Variants in TDRD10 observed in about 807,000 individuals in gnomAD.
TDRD10 encodes the protein tudor domain containing 10.
A neutral mutation model predicts 48.0 loss-of-function variants in TDRD10; 40 were observed. The ratio of observed to expected loss-of-function variants is 0.83; its 90% CI spans 0.65 to 1.09. The LOEUF is 1.09. Ranked by LOEUF, TDRD10 falls within the 50% of genes least tolerant of loss-of-function variation. TDRD10 has a pLI of 0.00. For missense variants in TDRD10, 378 were observed against 434.7 expected (o/e 0.87, Z 1.16); for synonymous variants, 162 against 170.4 (o/e 0.95, Z 0.38).
intron 1 of TDRD10, among the ~76,000 whole-genome samples, chr1:154,504,979 CCT>C (rs1693061685): frequency 6.6e-6 from 1 of 151,990 alleles, no homozygotes; most frequent in Non-Finnish European, 1.5e-5. Context: ...AGAGTGAGAC[CCT>C]GTCTCAAAAA....
At chr1:154,506,612 G>T (rs184281887) in intron 1 of TDRD10, among the ~76,000 whole-genome samples, 83 of 152,300 alleles carry the variant, frequency 5.4e-4, no homozygotes, top group African/African-American at 1.9e-3. Flanking sequence ...CTGACCTCAG[G>T]TGATCCACCC....
chr1:154,547,862 G>C lies in TDRD10; in HGVS notation c.*152G>C, dbSNP rs1412212892. ...TGATTCAATTTTGCTTTTACTCCCA[G>C]CTTCCCTCTCAAAAGAGAGTGAAGT... is the stretch of plus-strand genomic sequence containing the variant. On this transcript the variant is annotated 3_prime_UTR_variant, in exon 13 of 13. Coordinates refer to ENST00000368482, the MANE Select transcript of TDRD10 (RefSeq NM_182499.4). The C allele has an allele frequency of 1.2e-6, 1 of 842,346 alleles. No individual in the cohort carries two copies. Among genetic ancestry groups the C allele is most frequent in the Non-Finnish European group, 1.9e-6 (1 of 529,942 alleles). The allele number at this position is 842,346 out of a possible 1,614,324, so 52.2% of individuals were successfully genotyped here.
At chr1:154,512,934 T>C (rs73020245) in intron 4 of TDRD10, among the ~76,000 whole-genome samples, 5,077 of 152,248 alleles carry the variant, frequency 0.033, 293 homozygotes, top group African/African-American at 0.12. Flanking sequence ...AGTGTTTGCA[T>C]GTGAAGCAAT....
At position 154,507,409 on chromosome 1, in the gene TDRD10, G is replaced by T. The variant is rs1414823354; in HGVS notation, c.82+89G>T. 7.5e-6 allele frequency: 11 copies of T among 1,466,160 alleles called. No individual in the cohort carries two copies. The African/African-American group carries it at 1.2e-4, about 17-fold the overall frequency. The allele number at this position is 1,466,160 out of a possible 1,614,324, so 90.8% of individuals were successfully genotyped here. A position where few individuals can be genotyped will look rare whatever the true frequency, so the allele number is the denominator to read the frequency against. On this transcript the variant is annotated intron_variant, in intron 3 of 12. Transcript: ENST00000368482. ...ATGGTTCCCAGTCTGCCCAGTTTCT[G>T]TTCAATGTGAAACTTGGGATCTGCC...
intron 6 of TDRD10, among the ~76,000 whole-genome samples, chr1:154,524,655 T>G (rs1261637011): frequency 6.6e-6 from 1 of 152,158 alleles, no homozygotes; most frequent in South Asian, 2.1e-4. Context: ...TTGTGAGTCT[T>G]TTTCTTGGGT....
chr1:154,531,370 A>C (rs1694609712), intron 6 of TDRD10, among the ~76,000 whole-genome samples: 1 of 152,168 alleles, frequency 6.6e-6, no homozygotes, highest in Non-Finnish European at 1.5e-5. Flanking sequence ...CCCTTGCGGT[A>C]AGTATTACAG....
Position 154,520,369 on chromosome 1 carries a change from C to A in TDRD10, c.207C>A (p.Cys69Ter). Residue 69 changes from cysteine to a stop codon, truncating the protein, a stop_gained, in exon 5 of 13, where the codon TGC (cysteine) becomes TGA (stop). Coordinates refer to ENST00000368482, the MANE Select transcript of TDRD10 (RefSeq NM_182499.4). LOFTEE classifies it high-confidence loss of function. The stretch of plus-strand genomic sequence containing the variant: ...ATGTCCACAAAATCCAGAATGGCTG[C>A]AAATGGTAATGACTGTTCTTTCTTT... ...PLDVHKIQNG[C>*]KCFAFVDLGS... is the part of the protein sequence containing the mutation. 1.2e-6 allele frequency: 2 copies of A among 1,612,670 alleles called. No homozygotes were observed. Among genetic ancestry groups the A allele is most frequent in the Non-Finnish European group, 1.7e-6 (2 of 1,178,678 alleles).
At position 154,533,947 on chromosome 1, in the gene TDRD10, A is replaced by G. The variant is rs538033879; in HGVS notation, c.370-8077A>G. 2.8e-4 allele frequency among the ~76,000 whole-genome samples: 42 copies of G among 151,610 alleles called. 1 individual carries two copies. In the East Asian group the frequency reaches 5.8e-3, roughly 21 times the overall value. Reference sequence around the variant, plus strand: ...AGATGGGGTCCCACTATGTTGCCCAAGCTGGTCTTGAACTCCTGGCAAGCA... The same window carrying G: ...AGATGGGGTCCCACTATGTTGCCCAGGCTGGTCTTGAACTCCTGGCAAGCA... On this transcript the variant is annotated intron_variant, in intron 6 of 12. Transcript: ENST00000368482.
chr1:154,509,763 A>G (rs1693343848), intron 4 of TDRD10: 2 of 980,688 alleles, frequency 2.0e-6, no homozygotes, highest in Non-Finnish European at 1.2e-6. Context: ...AGACGAGCCT[A>G]CTAGGGCTGG....
chr1:154,517,405 T>C (rs1005326593), intron 4 of TDRD10, among the ~76,000 whole-genome samples: 38 of 151,784 alleles, frequency 2.5e-4, no homozygotes, highest in African/African-American at 8.5e-4. Context: ...CCTTATGAAA[T>C]AGCTGATATT....
rs771284999 is a variant in TDRD10 at position 154,543,971 on chromosome 1, TC to T, written c.514del (p.Leu172TrpfsTer5). On this transcript the variant is annotated frameshift_variant, in exon 9 of 13. Coordinates refer to ENST00000368482, the MANE Select transcript of TDRD10 (RefSeq NM_182499.4). LOFTEE classifies it high-confidence loss of function. ...FAVPLEMRGS[F>X]LVLLLRECFR... Reference sequence around the variant, plus strand: ...CCTTGCTCTTCCCGCAGAGGGTCCTTCCTGGTGCTGCTCCTGAGGGAATGCT... The same window carrying T: ...CCTTGCTCTTCCCGCAGAGGGTCCTTCTGGTGCTGCTCCTGAGGGAATGCT... The T allele has an allele frequency of 2.5e-6, 4 of 1,614,008 alleles. No homozygotes were observed. The highest frequency in any genetic ancestry group is 3.4e-6 in the Non-Finnish European group (4 of 1,180,000).
Position 154,544,535 on chromosome 1 carries a change from G to A in TDRD10, c.797+18G>A, listed in dbSNP as rs1240879078. 6.2e-7 allele frequency: 1 copy of A among 1,611,632 alleles called. No homozygotes were observed. Among genetic ancestry groups the A allele is most frequent in the Middle Eastern group, 1.7e-4 (1 of 6,042 alleles). ...TGGAACAGGTGTGTGCCTGGGCAGG[G>A]GTAGAGTCTATGGGAGAGGCGTGCA... On this transcript the variant is annotated intron_variant, in intron 10 of 12. Coordinates refer to ENST00000368482, the MANE Select transcript of TDRD10 (RefSeq NM_182499.4).
At chr1:154,519,957 G>A (rs945090488) in intron 4 of TDRD10, among the ~76,000 whole-genome samples, 4 of 152,190 alleles carry the variant, frequency 2.6e-5, no homozygotes, top group Non-Finnish European at 4.4e-5. Flanking sequence ...GCAAAGCTGT[G>A]GAAGTCACTT....
intron 6 of TDRD10, among the ~76,000 whole-genome samples, chr1:154,522,175 A>G (rs554381483): frequency 6.6e-6 from 1 of 152,284 alleles, no homozygotes; most frequent in East Asian, 1.9e-4. Flanking sequence ...TAGGGAGTCC[A>G]GGGTTGCTAT....
chr1:154,506,818 G>A (rs1162125283), intron 1 of TDRD10, 59 bp from the exon 2 acceptor site: 2 of 1,456,020 alleles, frequency 1.4e-6, no homozygotes, highest in East Asian at 2.3e-5. Flanking sequence ...CCTATTCGGT[G>A]GTTATATGAT....
At chr1:154,515,744 C>T (rs1471777916) in intron 4 of TDRD10, among the ~76,000 whole-genome samples, 1 of 152,132 alleles carries the variant, frequency 6.6e-6, no homozygotes, top group African/African-American at 2.4e-5. Flanking sequence ...GATGGAATTT[C>T]GCTCTTGTCA....
chr1:154,531,938 C>G (rs888308262), intron 6 of TDRD10, among the ~76,000 whole-genome samples: 1 of 152,232 alleles, frequency 6.6e-6, no homozygotes, highest in African/African-American at 2.4e-5. Context: ...GAGCTAGACA[C>G]AGAGCGCTGA....
chr1:154,543,327 C>T (rs2149353622), intron 8 of TDRD10, among the ~76,000 whole-genome samples: 1 of 152,224 alleles, frequency 6.6e-6, no homozygotes, highest in African/African-American at 2.4e-5. Context: ...CACTTATGTA[C>T]AGCAAAGGCC....
intron 4 of TDRD10, among the ~76,000 whole-genome samples, chr1:154,517,027 G>T (rs1305570533): frequency 1.3e-5 from 2 of 152,208 alleles, no homozygotes; most frequent in African/African-American, 4.8e-5. Context: ...TCAGGAGTTT[G>T]CAGGAGGGTG....
Sources: gnomAD v4.1 joint callset for allele counts (sites outside exome capture counted in the v4.1 genomes callset) on GRCh38, gnomAD v4.1.1 for gene constraint, MANE v1.5 for transcripts, NCBI Gene and HGNC (gene_info 2026-07-23, HGNC 2026-07-21) for gene names.